Variants in CD9 observed in about 807,000 individuals in gnomAD.
The protein encoded by CD9 is CD9 antigen.
A neutral mutation model predicts 31.4 loss-of-function variants in CD9; 10 were observed. That is an observed-to-expected ratio of 0.32 (90% CI 0.20 to 0.54). The LOEUF is 0.54. Among genes scored for constraint, CD9 ranks in the 20% least tolerant of loss-of-function variants. The pLI is 0.94. For synonymous variants in CD9, 113 were observed against 114.1 expected (o/e 0.99, Z 0.06); for missense variants, 259 against 300.1 (o/e 0.86, Z 1.01).
chr12:6,215,893 T>G lies in CD9; in HGVS notation c.67-9533T>G, dbSNP rs973409402. On this transcript the variant is annotated intron_variant, in intron 1 of 7. Transcript: ENST00000009180. ...TCTGCTGATTACAGCGGAGTTTTGGTTTTCTTGTTCCCGGTGTTTACTGTG... is the reference window on the plus strand; with the variant it reads ...TCTGCTGATTACAGCGGAGTTTTGGGTTTCTTGTTCCCGGTGTTTACTGTG... Among the ~76,000 whole-genome samples, 3 of 152,098 alleles carry G rather than the reference T, an allele frequency of 2.0e-5. No individual in the cohort carries two copies. The South Asian group carries it at 6.2e-4, about 32-fold the overall frequency.
intron 2 of CD9, among the ~76,000 whole-genome samples, chr12:6,231,028 G>A (rs1350246150): frequency 6.6e-6 from 1 of 152,192 alleles, no homozygotes; most frequent in Non-Finnish European, 1.5e-5. Context: ...GCAGATGTGG[G>A]ACAGTGAAGT....
At chr12:6,220,628 A>G (rs181674187) in intron 1 of CD9, among the ~76,000 whole-genome samples, 1 of 152,368 alleles carries the variant, frequency 6.6e-6, no homozygotes, top group African/African-American at 2.4e-5. Context: ...GCAGACCTGC[A>G]TAGTCAGGAA....
chr12:6,211,648 G>A (rs753203749), intron 1 of CD9, among the ~76,000 whole-genome samples: 2 of 152,210 alleles, frequency 1.3e-5, no homozygotes, highest in Non-Finnish European at 2.9e-5. Context: ...AGACAGCTCG[G>A]CGAGGCATAC....
chr12:6,210,630 G>T (rs1204883639), intron 1 of CD9, among the ~76,000 whole-genome samples: 1 of 152,070 alleles, frequency 6.6e-6, no homozygotes, highest in Non-Finnish European at 1.5e-5. Flanking sequence ...TTTAAAGATC[G>T]AAAACACCAC....
intron 1 of CD9, among the ~76,000 whole-genome samples, chr12:6,221,811 TAC>T (rs1565423736): frequency 1.9e-4 from 9 of 48,292 alleles, no homozygotes; most frequent in Admixed American, 2.7e-4. Flanking sequence ...CCCCTGGCTC[TAC>T]AAAAAAAAAA....
chr12:6,214,344 CTTTTTTTTTTT>C (rs71450123), intron 1 of CD9, among the ~76,000 whole-genome samples: 1 of 67,074 alleles, frequency 1.5e-5, no homozygotes, highest in Admixed American at 2.5e-4. Flanking sequence ...CCATTAGCCT[CTTTTTTTTTTT>C]TTTTTTTTTT....
At chr12:6,205,506 C>G (rs1292135723) in intron 1 of CD9, among the ~76,000 whole-genome samples, 3 of 152,204 alleles carry the variant, frequency 2.0e-5, no homozygotes, top group Non-Finnish European at 4.4e-5. Flanking sequence ...GATGAGCCCT[C>G]TGCGGCTGCT....
intron 1 of CD9, among the ~76,000 whole-genome samples, chr12:6,210,808 A>C (rs917141288): frequency 6.7e-6 from 1 of 150,020 alleles, no homozygotes; most frequent in African/African-American, 2.5e-5. Context: ...TCTGCCACTT[A>C]CTTGCCCTGT....
intron 1 of CD9, among the ~76,000 whole-genome samples, chr12:6,224,140 G>A (rs557911177): frequency 1.3e-5 from 2 of 152,272 alleles, no homozygotes; most frequent in South Asian, 4.1e-4. Context: ...GTAAAGTGAG[G>A]TGGTTCTCCC....
intron 1 of CD9, among the ~76,000 whole-genome samples, chr12:6,208,553 TTTTG>T (rs1555086567): frequency 4.4e-4 from 67 of 152,326 alleles, no homozygotes; most frequent in East Asian, 7.7e-4. Context: ...TTTTAGTTTT[TTTTG>T]TTTGTTTGTT....
At chr12:6,231,098 T>G (rs1946440483) in intron 2 of CD9, among the ~76,000 whole-genome samples, 1 of 152,174 alleles carries the variant, frequency 6.6e-6, no homozygotes, top group Admixed American at 6.5e-5. Flanking sequence ...TGGGGAAACA[T>G]CACAGACTTT....
chr12:6,210,278 A>G (rs1197282699), intron 1 of CD9, among the ~76,000 whole-genome samples: 8 of 152,232 alleles, frequency 5.3e-5, no homozygotes, highest in Non-Finnish European at 1.0e-4. Flanking sequence ...GTCTATGGAC[A>G]CAATGCCAAT....
intron 1 of CD9, among the ~76,000 whole-genome samples, chr12:6,202,581 G>T (rs1349216302): frequency 6.6e-6 from 1 of 152,218 alleles, no homozygotes; most frequent in Non-Finnish European, 1.5e-5. Flanking sequence ...CATGGCATAT[G>T]CAGGAAGCTG....
At chr12:6,215,134 C>T (rs572688641) in intron 1 of CD9, among the ~76,000 whole-genome samples, 15 of 152,254 alleles carry the variant, frequency 9.9e-5, no homozygotes, top group African/African-American at 3.1e-4. Flanking sequence ...CTCTCCAGAT[C>T]GGAGTGTAAA....
intron 1 of CD9, among the ~76,000 whole-genome samples, chr12:6,217,776 A>G (rs1946256587): frequency 6.6e-6 from 1 of 152,070 alleles, no homozygotes; most frequent in African/African-American, 2.4e-5. Context: ...TCCACTCACC[A>G]CTGCCCACCT....
intron 1 of CD9, among the ~76,000 whole-genome samples, chr12:6,214,997 T>C (rs1167107448): frequency 6.6e-6 from 1 of 152,160 alleles, no homozygotes; most frequent in Non-Finnish European, 1.5e-5. Context: ...TCTTACCTCT[T>C]CCTGCCTTCC....
At chr12:6,206,900 A>ATT (rs541948925) in intron 1 of CD9, among the ~76,000 whole-genome samples, 109 of 137,674 alleles carry the variant, frequency 7.9e-4, no homozygotes, top group East Asian at 6.4e-3. Context: ...GCCCATAGAC[A>ATT]TTTTTTTTTT....
chr12:6,208,628 A>G (rs1215391132), intron 1 of CD9, among the ~76,000 whole-genome samples: 1 of 150,718 alleles, frequency 6.6e-6, no homozygotes, highest in African/African-American at 2.4e-5. Flanking sequence ...CTGGAGTGTA[A>G]TGGTGCGATC....
chr12:6,209,653 C>G (rs902347744), intron 1 of CD9, among the ~76,000 whole-genome samples: 2 of 151,482 alleles, frequency 1.3e-5, no homozygotes, highest in Admixed American at 6.6e-5. Flanking sequence ...AAGACACAAC[C>G]CTTTAGAGAC....
Sources: gnomAD v4.1 joint callset for allele counts (sites outside exome capture counted in the v4.1 genomes callset) on GRCh38, gnomAD v4.1.1 for gene constraint, MANE v1.5 for transcripts, NCBI Gene and HGNC (gene_info 2026-07-23, HGNC 2026-07-21) for gene names.